The following ELP3 variants were observed in gnomAD, a reference collection of about 807,000 sequenced individuals.
ELP3 encodes the protein elongator complex protein 3.
Under a neutral mutation model 74.9 loss-of-function variants are expected in ELP3, and 56 were observed. The ratio of observed to expected loss-of-function variants is 0.75; its 90% CI spans 0.60 to 0.93. The LOEUF is 0.93. ELP3 is among the 40% of genes least tolerant of loss of function. The probability of loss-of-function intolerance (pLI) is 0.00; values close to 1 mark genes in which losing one functional copy is unlikely to be tolerated. For missense variants in ELP3, 573 were observed against 686.5 expected, an observed-to-expected ratio of 0.83 and a Z score of 1.85; for synonymous variants, 222 against 239.8, an observed-to-expected ratio of 0.93 and a Z score of 0.68.
rs138687434 is a variant in ELP3, at chr8:28,130,299, G to T, written c.779+636G>T. On this transcript the variant is annotated intron_variant, in intron 8 of 14. Transcript: ENST00000256398. ...TATTAGGCAGCTGAGATGATTGACC[G>T]AGAATTCTAACGGTGGGCTTTGGAG... is the stretch of plus-strand genomic sequence containing the variant. Among the ~76,000 whole-genome samples, 792 of 152,312 alleles carry T rather than the reference G, an allele frequency of 5.2e-3. 6 individuals are homozygous for T. The highest frequency in any genetic ancestry group is 0.018 in the African/African-American group (736 of 41,566).
At chr8:28,126,931 C>T (rs961670403) in intron 7 of ELP3, among the ~76,000 whole-genome samples, 2 of 152,054 alleles carry the variant, frequency 1.3e-5, no homozygotes, top group Admixed American at 6.6e-5. Context: ...AAATTTGATA[C>T]AAATTTCTGT....
chr8:28,173,649 A>G (rs1490457117), intron 14 of ELP3, among the ~76,000 whole-genome samples: 1 of 148,536 alleles, frequency 6.7e-6, no homozygotes, highest in Non-Finnish European at 1.5e-5. Flanking sequence ...CTAGTTCCTT[A>G]AGGTGTAGAG....
chr8:28,132,227 TGTTACACAAATAG>T (rs1812809504), intron 8 of ELP3, 38 bp from the exon 9 acceptor site: 2 of 1,602,256 alleles, frequency 1.2e-6, no homozygotes. Flanking sequence ...GTGTAACAGA[TGTTACACAAATAG>T]GTAGTGATTT....
chr8:28,100,232 G>C (rs1480875753), intron 3 of ELP3, among the ~76,000 whole-genome samples: 1 of 152,206 alleles, frequency 6.6e-6, no homozygotes, highest in African/African-American at 2.4e-5. Flanking sequence ...ATCATAACAG[G>C]ATAAATGTTG....
chr8:28,162,825 G>A (rs1249829382), intron 14 of ELP3, among the ~76,000 whole-genome samples: 1 of 152,286 alleles, frequency 6.6e-6, no homozygotes, highest in African/African-American at 2.4e-5. Flanking sequence ...TGTTTAGCAA[G>A]GCCTGTTCAT....
intron 2 of ELP3, among the ~76,000 whole-genome samples, chr8:28,098,062 C>T (rs1399068862): frequency 6.6e-6 from 1 of 152,140 alleles, no homozygotes; most frequent in African/African-American, 2.4e-5. Context: ...GGAAAACCCT[C>T]CCTTTGGGGC....
chr8:28,100,980 C>G (rs1451567360), intron 3 of ELP3, among the ~76,000 whole-genome samples: 3 of 152,178 alleles, frequency 2.0e-5, no homozygotes, highest in Non-Finnish European at 4.4e-5. Flanking sequence ...CTTGTGTTGA[C>G]TTGGTGACCA....
At chr8:28,135,673 T>C (rs1356277004) in intron 9 of ELP3, among the ~76,000 whole-genome samples, 1 of 152,208 alleles carries the variant, frequency 6.6e-6, no homozygotes. Context: ...TCCCTCTATG[T>C]ACACACTTGA....
At chr8:28,120,828 C>G (rs907201960) in intron 7 of ELP3, among the ~76,000 whole-genome samples, 4 of 152,182 alleles carry the variant, frequency 2.6e-5, no homozygotes, top group African/African-American at 9.6e-5. Context: ...TATATCACAC[C>G]TTTGTTAAAA....
chr8:28,097,147 G>A lies in ELP3; in HGVS notation c.20-72G>A, dbSNP rs879079696. ...TTTGTATGGTTTCGGATGGAAAACT[G>A]CTACTAAATCAGATTTTAAAATCTT... On this transcript the variant is annotated intron_variant, in intron 1 of 14. Transcript: ENST00000256398. The A allele has an allele frequency of 6.0e-6, 6 of 1,001,440 alleles. No individual in the cohort carries two copies. In the South Asian group the frequency reaches 7.3e-5, roughly 12 times the overall value. The allele number at this position is 1,001,440 out of a possible 1,614,324, so 62.0% of individuals were successfully genotyped here.
chr8:28,183,331 C>A, intron 14 of ELP3: 2 of 426,814 alleles, frequency 4.7e-6, no homozygotes, highest in South Asian at 1.7e-5. Flanking sequence ...ATTTATCCTG[C>A]CTACAGAGTA....
At chr8:28,129,401 C>T in intron 7 of ELP3, 101 bp from the exon 8 acceptor site, 1 of 1,247,934 alleles carries the variant, frequency 8.0e-7, no homozygotes, top group East Asian at 2.4e-5. Flanking sequence ...ACACTCTTTA[C>T]CACTATCTCA....
chr8:28,170,871 C>A (rs1814497134), intron 14 of ELP3, among the ~76,000 whole-genome samples: 1 of 152,122 alleles, frequency 6.6e-6, no homozygotes, highest in Non-Finnish European at 1.5e-5. Context: ...ACCCATTAAG[C>A]AGTAACTCCC....
At chr8:28,166,322 A>T (rs1814305630) in intron 14 of ELP3, among the ~76,000 whole-genome samples, 1 of 152,222 alleles carries the variant, frequency 6.6e-6, no homozygotes. Flanking sequence ...ACTTCACAGT[A>T]AGAAAATATT....
At chr8:28,123,581 G>T (rs1812455171) in intron 7 of ELP3, among the ~76,000 whole-genome samples, 1 of 152,124 alleles carries the variant, frequency 6.6e-6, no homozygotes, top group Non-Finnish European at 1.5e-5. Context: ...TTATTCTTTT[G>T]TAGTTCTATC....
intron 10 of ELP3, among the ~76,000 whole-genome samples, chr8:28,143,682 T>C (rs887291493): frequency 1.3e-5 from 2 of 152,204 alleles, no homozygotes; most frequent in African/African-American, 4.8e-5. Flanking sequence ...TTTGCTTTCT[T>C]CTTCCTTTTT....
At chr8:28,179,610 G>A (rs1372719024) in intron 14 of ELP3, among the ~76,000 whole-genome samples, 2 of 152,256 alleles carry the variant, frequency 1.3e-5, no homozygotes, top group African/African-American at 4.8e-5. Flanking sequence ...ATAATTATAT[G>A]AATCAGTGGG....
At chr8:28,107,178 G>A (rs1811731231) in intron 4 of ELP3, among the ~76,000 whole-genome samples, 1 of 152,190 alleles carries the variant, frequency 6.6e-6, no homozygotes, top group Non-Finnish European at 1.5e-5. Context: ...AACCTGGGAG[G>A]TGGAGGTTGC....
chr8:28,134,974 G>T (rs926467799), intron 9 of ELP3, among the ~76,000 whole-genome samples: 6 of 151,666 alleles, frequency 4.0e-5, no homozygotes, highest in Non-Finnish European at 8.8e-5. Context: ...TGTCATTCAG[G>T]CTGGAGTGCA....
Sources: gnomAD v4.1 joint callset for allele counts (sites outside exome capture counted in the v4.1 genomes callset) on GRCh38, gnomAD v4.1.1 for gene constraint, MANE v1.5 for transcripts, NCBI Gene and HGNC (gene_info 2026-07-23, HGNC 2026-07-21) for gene names.